TENM4: variants seen among roughly 807,000 people sequenced by gnomAD.
TENM4 encodes the protein teneurin transmembrane protein 4.
In TENM4, 82 loss-of-function variants were observed where a neutral mutation model predicts 243.3. The observed-to-expected ratio is 0.34, with a 90% CI of 0.28 to 0.40. TENM4 has a LOEUF of 0.40. Among genes scored for constraint, TENM4 ranks in the 10% least tolerant of loss-of-function variants. TENM4 has a pLI of 1.00. For missense variants in TENM4, 3,138 were observed against 3,673.3 expected, an observed-to-expected ratio of 0.85 and a Z score of 3.77; for synonymous variants, 1,412 against 1,456.3, an observed-to-expected ratio of 0.97 and a Z score of 0.69.
chr11:79,383,337 C>T (rs907513516), intron 1 of TENM4, among the ~76,000 whole-genome samples: 1 of 152,218 alleles, frequency 6.6e-6, no homozygotes, highest in African/African-American at 2.4e-5. Context: ...CCCCTTTAGA[C>T]CTGGGTGGTT....
chr11:78,921,782 C>A (rs940502811), intron 6 of TENM4, among the ~76,000 whole-genome samples: 2 of 152,186 alleles, frequency 1.3e-5, no homozygotes, highest in Non-Finnish European at 1.5e-5. Context: ...TGATCTCAGA[C>A]TGAGGATCAT....
chr11:78,856,053 G>A lies in TENM4; in HGVS notation c.1381C>T (p.Pro461Ser). 1 of 1,551,734 alleles carries A rather than the reference G, an allele frequency of 6.4e-7. No individual in the cohort carries two copies. Among genetic ancestry groups the A allele is most frequent in the East Asian group, 2.4e-5 (1 of 40,912 alleles). ...FWRSQVFIDH[P>S]VHLKFNVSLG... ...GACACATTGAATTTCAGATGCACAG[G>A]ATGGTCTATGAACACTTGAGATCTC... Residue 461 changes from proline (P) to serine (S), a missense_variant, in exon 11 of 34, where the codon CCT becomes TCT. By Grantham distance (74) the Pro-to-Ser change is moderately conservative. Around this residue, in one of 2 missense-constraint regions of TENM4, gnomAD observed 2,467 missense variants for 3,059.1 expected, o/e 0.81. Coordinates refer to ENST00000278550, the MANE Select transcript of TENM4 (RefSeq NM_001098816.3).
At chr11:78,878,717 C>T (rs756003462) in intron 9 of TENM4, among the ~76,000 whole-genome samples, 5 of 152,202 alleles carry the variant, frequency 3.3e-5, no homozygotes, top group Non-Finnish European at 7.4e-5. Context: ...TTCAGTCCTA[C>T]CCTTCTGAAG....
intron 21 of TENM4, among the ~76,000 whole-genome samples, chr11:78,731,633 G>A (rs1260399387): frequency 6.6e-6 from 1 of 152,164 alleles, no homozygotes; most frequent in Non-Finnish European, 1.5e-5. Context: ...TGGGGACAGC[G>A]AAGGAAATTC....
At chr11:78,828,037 G>C (rs1857897142) in intron 12 of TENM4, among the ~76,000 whole-genome samples, 2 of 152,184 alleles carry the variant, frequency 1.3e-5, no homozygotes, top group African/African-American at 4.8e-5. Flanking sequence ...CTAGCACAGT[G>C]TTCTGTCTGG....
chr11:78,804,272 T>G (rs1201274249), intron 15 of TENM4, among the ~76,000 whole-genome samples: 1 of 152,202 alleles, frequency 6.6e-6, no homozygotes, highest in African/African-American at 2.4e-5. Flanking sequence ...ATCTCCATTT[T>G]GTTGTTGTTG....
At chr11:78,792,841 C>T (rs1283630104) in intron 15 of TENM4, among the ~76,000 whole-genome samples, 12 of 152,136 alleles carry the variant, frequency 7.9e-5, no homozygotes. Flanking sequence ...TGTGTGAACT[C>T]TGTAATTTAA....
chr11:78,817,369 T>C (rs750154768), intron 12 of TENM4, among the ~76,000 whole-genome samples: 1 of 152,204 alleles, frequency 6.6e-6, no homozygotes, highest in Non-Finnish European at 1.5e-5. Context: ...CTCAGTGTTG[T>C]CTCTGCTAAC....
intron 6 of TENM4, among the ~76,000 whole-genome samples, chr11:78,975,335 G>A (rs2136596745): frequency 6.6e-6 from 1 of 152,150 alleles, no homozygotes; most frequent in Non-Finnish European, 1.5e-5. Flanking sequence ...AAATTGGGCT[G>A]ATGGAAAGGC....
At chr11:79,353,868 G>A (rs117974023) in intron 1 of TENM4, among the ~76,000 whole-genome samples, 88 of 152,170 alleles carry the variant, frequency 5.8e-4, no homozygotes, top group East Asian at 5.6e-3. Flanking sequence ...ACACAGCCAC[G>A]TCCATTTATT....
At chr11:78,890,829 C>A (rs1225798089) in intron 8 of TENM4, among the ~76,000 whole-genome samples, 3 of 152,202 alleles carry the variant, frequency 2.0e-5, no homozygotes, top group Non-Finnish European at 4.4e-5. Flanking sequence ...TTGCACACAG[C>A]CTGGGAAATG....
chr11:79,437,065 C>T (rs1042512408), intron 1 of TENM4, among the ~76,000 whole-genome samples: 1 of 152,222 alleles, frequency 6.6e-6, no homozygotes, highest in African/African-American at 2.4e-5. Context: ...AAGGAGACAC[C>T]CGTTCACTCC....
chr11:79,021,610 G>A (rs1156922119), intron 6 of TENM4: 1 of 152,318 alleles, frequency 6.6e-6, no homozygotes, highest in Non-Finnish European at 1.5e-5. Flanking sequence ...TATGGGCAAA[G>A]CTGCCTTTAG....
chr11:79,066,676 A>G (rs372168756), intron 5 of TENM4, among the ~76,000 whole-genome samples: 15 of 151,874 alleles, frequency 9.9e-5, no homozygotes, highest in East Asian at 7.8e-4. Context: ...ACATGCACAC[A>G]CACGCACGCA....
intron 12 of TENM4, among the ~76,000 whole-genome samples, chr11:78,850,562 T>C (rs1160244456): frequency 6.6e-6 from 1 of 152,184 alleles, no homozygotes; most frequent in African/African-American, 2.4e-5. Flanking sequence ...CCAGGGACTC[T>C]TGGGGAAAGC....
intron 4 of TENM4, among the ~76,000 whole-genome samples, chr11:79,121,021 C>T (rs911406721): frequency 6.6e-6 from 1 of 152,152 alleles, no homozygotes; most frequent in Non-Finnish European, 1.5e-5. Flanking sequence ...AGCTCCAGAG[C>T]GATTGCTTTT....
In TENM4 at chr11:78,903,740, GT is replaced by G. The variant is rs1416750284; in HGVS notation, c.494-218del. 3.8e-6 allele frequency: 3 copies of G among 779,940 alleles called. No individual in the cohort carries two copies. In the Admixed American group the frequency reaches 6.1e-5, roughly 16 times the overall value. 48.3% of individuals were successfully genotyped at this position (779,940 alleles called of 1,614,324 possible). A position where few individuals can be genotyped will look rare whatever the true frequency, so the allele number is the denominator to read the frequency against. On this transcript the variant is annotated intron_variant, in intron 6 of 33. Coordinates refer to ENST00000278550, the MANE Select transcript of TENM4 (RefSeq NM_001098816.3). Reference sequence around the variant, plus strand: ...ACCAACTAAACAGACAAAAATTCCCGTCCCCACTGAGCTTAAATTCTAGCAG... The same window carrying G: ...ACCAACTAAACAGACAAAAATTCCCGCCCCACTGAGCTTAAATTCTAGCAG...
intron 3 of TENM4, among the ~76,000 whole-genome samples, chr11:79,180,894 T>C (rs900784698): frequency 1.3e-5 from 2 of 150,484 alleles, no homozygotes; most frequent in Non-Finnish European, 3.0e-5. Context: ...TCTAAACATA[T>C]ATATGTATGT....
At chr11:79,419,423 G>A (rs959161185) in intron 1 of TENM4, among the ~76,000 whole-genome samples, 1 of 152,134 alleles carries the variant, frequency 6.6e-6, no homozygotes, top group Non-Finnish European at 1.5e-5. Flanking sequence ...TAGCACCCAC[G>A]GCACGGGGAT....
Sources: allele counts gnomAD v4.1 joint callset (sites outside exome capture counted in the v4.1 genomes callset), GRCh38; gene constraint gnomAD v4.1.1; regional missense constraint gnomAD v4.1.1; transcripts MANE v1.5; gene names NCBI Gene and HGNC (gene_info 2026-07-23, HGNC 2026-07-21).